STIMATE: variants seen among roughly 807,000 people sequenced by gnomAD.
STIMATE encodes store-operated calcium entry regulator STIMATE.
STIMATE carries 15 observed loss-of-function variants against 36.7 expected under a neutral mutation model. The observed-to-expected ratio is 0.41, with a 90% CI of 0.27 to 0.63. The LOEUF is 0.63. STIMATE is among the 20% of genes least tolerant of loss of function. The pLI is 0.32. For missense variants in STIMATE, 305 were observed against 397.3 expected (o/e 0.77, Z 1.98); for synonymous variants, 163 against 162.3 (o/e 1.00, Z -0.03).
intron 1 of STIMATE, among the ~76,000 whole-genome samples, chr3:52,871,639 T>C (rs1198857050): frequency 6.6e-6 from 1 of 152,110 alleles, no homozygotes; most frequent in Non-Finnish European, 1.5e-5. Context: ...CACTCACTCA[T>C]TCATTCATCC....
At chr3:52,858,371 C>T (rs1199718817) in intron 1 of STIMATE, among the ~76,000 whole-genome samples, 1 of 152,176 alleles carries the variant, frequency 6.6e-6, no homozygotes, top group African/African-American at 2.4e-5. Flanking sequence ...TGCAGTGGCT[C>T]ACACCTGTAA....
Position 52,849,902 on chromosome 3 carries a change from T to C in STIMATE, c.317A>G (p.Asn106Ser), listed in dbSNP as rs2106663790. ...GCCCACAGTGGCGTCCAGGAGGAAG[T>C]TGATGAGGTACCTGTGAGGACAGGG... Reference protein sequence around the residue: ...EEDPCSLYLINFLLDATVGML... With the variant: ...EEDPCSLYLISFLLDATVGML... Residue 106 changes from asparagine (N) to serine (S), a missense_variant, in exon 4 of 8, where the codon AAC becomes AGC. Physicochemically the swap from Asn to Ser is conservative, Grantham distance 46 (BLOSUM62 1). This residue lies in a region of STIMATE where 164 missense variants were observed against 257.9 expected (regional missense o/e 0.64). Coordinates refer to ENST00000355083, the MANE Select transcript of STIMATE (RefSeq NM_198563.5). 1 of 1,613,572 alleles carries C rather than the reference T, an allele frequency of 6.2e-7. No individual in the cohort carries two copies. The highest frequency in any genetic ancestry group is 8.5e-7 in the Non-Finnish European group (1 of 1,179,842).
At chr3:52,891,637 A>G (rs922425460) in intron 1 of STIMATE, among the ~76,000 whole-genome samples, 1 of 151,984 alleles carries the variant, frequency 6.6e-6, no homozygotes, top group Non-Finnish European at 1.5e-5. Context: ...ATCTGGATTC[A>G]CACTCACTGT....
chr3:52,892,803 T>C (rs1343401938), intron 1 of STIMATE, among the ~76,000 whole-genome samples: 1 of 152,146 alleles, frequency 6.6e-6, no homozygotes, highest in African/African-American at 2.4e-5. Context: ...TTAACACTAA[T>C]AGTGGGGCAG....
Position 52,840,390 on chromosome 3 carries a change from G to A in STIMATE, c.*104C>T. The A allele has an allele frequency of 7.8e-7, 1 of 1,275,558 alleles. No individual in the cohort carries two copies. Among genetic ancestry groups the A allele is most frequent in the Admixed American group, 1.9e-5 (1 of 52,688 alleles). The allele number at this position is 1,275,558 out of a possible 1,614,324, so 79.0% of individuals were successfully genotyped here. On this transcript the variant is annotated 3_prime_UTR_variant, in exon 8 of 8. Coordinates refer to ENST00000355083, the MANE Select transcript of STIMATE (RefSeq NM_198563.5). ...GGCAGAGACAGCAAGAGGAGCAGAG[G>A]TAGAAAGGAAGGGCAGAGAGAGGGT...
At chr3:52,855,764 T>C (rs1022027177) in intron 1 of STIMATE, among the ~76,000 whole-genome samples, 1 of 152,212 alleles carries the variant, frequency 6.6e-6, no homozygotes, top group African/African-American at 2.4e-5. Flanking sequence ...ACGCAGCTGC[T>C]TCTAACTTCA....
chr3:52,886,319 G>A (rs1214797486), intron 1 of STIMATE, among the ~76,000 whole-genome samples: 1 of 152,176 alleles, frequency 6.6e-6, no homozygotes, highest in Non-Finnish European at 1.5e-5. Context: ...AGAATGGCAG[G>A]GGGTGCAAGG....
At chr3:52,880,101 C>A (rs535877785) in intron 1 of STIMATE, among the ~76,000 whole-genome samples, 3 of 152,316 alleles carry the variant, frequency 2.0e-5, no homozygotes, top group Non-Finnish European at 4.4e-5. Context: ...TTTGCTATGC[C>A]AGCTCCCACT....
chr3:52,850,433 A>AAAAACAAAAC (rs71087025), intron 3 of STIMATE, among the ~76,000 whole-genome samples: 133,227 of 150,994 alleles, frequency 0.88, 60,595 homozygotes, highest in East Asian at 0.99. Flanking sequence ...TCTGTCTCAA[A>AAAAACAAAAC]AAAACAAAAC....
chr3:52,838,295 C>G lies in STIMATE; in HGVS notation c.*2199G>C, dbSNP rs2878634. On this transcript the variant is annotated 3_prime_UTR_variant, in exon 8 of 8. Coordinates refer to ENST00000355083, the MANE Select transcript of STIMATE (RefSeq NM_198563.5). ...TTCACAGCTTTCATAGATTATGGCT[C>G]TCCTATCCCCTGCCCTGTCTGGAAA... 0.89 allele frequency: 135,697 copies of G among 152,238 alleles called. 62,342 individuals are homozygous for G. The highest frequency in any genetic ancestry group is 1 in the Non-Finnish European group (67,959 of 68,046). The allele number at this position is 152,238 out of a possible 1,614,324, so 9.4% of individuals were successfully genotyped here.
At chr3:52,865,978 T>C (rs1479945439) in intron 1 of STIMATE, among the ~76,000 whole-genome samples, 1 of 152,020 alleles carries the variant, frequency 6.6e-6, no homozygotes, top group Non-Finnish European at 1.5e-5. Context: ...TACACATGGC[T>C]CCATTTTCTT....
Position 52,881,875 on chromosome 3 carries a change from G to A in STIMATE, c.160+15416C>T, listed in dbSNP as rs1000146688. On this transcript the variant is annotated intron_variant, in intron 1 of 7. Coordinates refer to ENST00000355083, the MANE Select transcript of STIMATE (RefSeq NM_198563.5). ...GCCTAGAATAGTTACTTGTTCAAGTGGTCTACCTTCCTAAGCAGGCTATGG... is the reference window on the plus strand; with the variant it reads ...GCCTAGAATAGTTACTTGTTCAAGTAGTCTACCTTCCTAAGCAGGCTATGG... Among the ~76,000 whole-genome samples the A allele has an allele frequency of 5.3e-5, 8 of 152,200 alleles. 1 individual carries two copies. The highest frequency in any genetic ancestry group is 1.5e-5 in the Non-Finnish European group (1 of 68,030).
intron 7 of STIMATE, 95 bp from the exon 8 acceptor site, chr3:52,840,705 T>G (rs999997130): frequency 9.3e-7 from 1 of 1,078,434 alleles, no homozygotes; most frequent in South Asian, 1.9e-5. Flanking sequence ...CTCATGTTTT[T>G]TTTTTTTTTT....
In STIMATE at chr3:52,855,389, C is replaced by T; in HGVS notation, c.209+7G>A. ...ACTCCAGAATGAACTAATACCTAAA[C>T]ACATACCATATCCTCCACGGACGTC... On this transcript the variant is annotated splice_region_variant and intron_variant, in intron 2 of 7. Transcript: ENST00000355083. 6.9e-7 allele frequency: 1 copy of T among 1,453,460 alleles called. No homozygotes were observed. Among genetic ancestry groups the T allele is most frequent in the Non-Finnish European group, 9.3e-7 (1 of 1,080,778 alleles). The allele number at this position is 1,453,460 out of a possible 1,614,324, so 90.0% of individuals were successfully genotyped here.
intron 7 of STIMATE, 88 bp from the exon 8 acceptor site, chr3:52,840,698 ATGT>A: frequency 2.2e-5 from 23 of 1,049,942 alleles, no homozygotes; most frequent in Admixed American, 9.8e-5. Flanking sequence ...TTCAAGTCTC[ATGT>A]TTTTTTTTTT....
chr3:52,841,657 G>C (rs1021108197), intron 7 of STIMATE: 1 of 152,472 alleles, frequency 6.6e-6, no homozygotes, highest in Admixed American at 6.5e-5. Flanking sequence ...CTCTAGTCTC[G>C]GTCCCGACCA....
chr3:52,857,077 G>A (rs1398958377), intron 1 of STIMATE, among the ~76,000 whole-genome samples: 2 of 152,208 alleles, frequency 1.3e-5, no homozygotes, highest in East Asian at 1.9e-4. Flanking sequence ...CAGCGAGGGT[G>A]CAGGAGGAGA....
intron 1 of STIMATE, among the ~76,000 whole-genome samples, chr3:52,880,884 A>G (rs1701591741): frequency 2.0e-5 from 3 of 152,222 alleles, no homozygotes; most frequent in South Asian, 4.1e-4. Flanking sequence ...CAGATTTCCT[A>G]CCAGTTAAAA....
intron 1 of STIMATE, among the ~76,000 whole-genome samples, chr3:52,888,004 T>TTTTTTTTG (rs1559499743): frequency 2.9e-5 from 4 of 137,486 alleles, no homozygotes; most frequent in South Asian, 2.6e-4. Context: ...GTTTTTTTTT[T>TTTTTTTTG]TTTTTTTTTT....
Sources: gnomAD v4.1 joint callset for allele counts (sites outside exome capture counted in the v4.1 genomes callset) on GRCh38, gnomAD v4.1.1 for gene constraint, gnomAD v4.1.1 regional missense constraint, MANE v1.5 for transcripts, NCBI Gene and HGNC (gene_info 2026-07-23, HGNC 2026-07-21) for gene names.